Variants in CNTNAP4 observed in about 807,000 individuals in gnomAD.
CNTNAP4 encodes the protein contactin-associated protein-like 4.
A neutral mutation model predicts 148.4 loss-of-function variants in CNTNAP4; 98 were observed. The observed-to-expected ratio is 0.66, with a 90% CI of 0.56 to 0.78. CNTNAP4 has a LOEUF of 0.78. Among genes scored for constraint, CNTNAP4 ranks in the 30% least tolerant of loss-of-function variants. CNTNAP4 has a pLI of 0.00. For synonymous variants in CNTNAP4, 730 were observed against 565.1 expected, an observed-to-expected ratio of 1.29 and a Z score of -4.14; for missense variants, 1,935 against 1,565.6, an observed-to-expected ratio of 1.24 and a Z score of -3.98.
chr16:76,530,311 C>A (rs1025502588), intron 17 of CNTNAP4, among the ~76,000 whole-genome samples: 3 of 152,078 alleles, frequency 2.0e-5, no homozygotes, highest in Non-Finnish European at 4.4e-5. Flanking sequence ...GGTCGCATTT[C>A]TCTTTAATAT....
intron 10 of CNTNAP4, among the ~76,000 whole-genome samples, chr16:76,473,736 T>C (rs2081454722): frequency 1.3e-5 from 2 of 152,130 alleles, no homozygotes; most frequent in South Asian, 4.1e-4. Context: ...ATCGCGCCAC[T>C]GCACTACAGC....
intron 17 of CNTNAP4, among the ~76,000 whole-genome samples, chr16:76,534,088 G>T (rs1345111544): frequency 1.3e-5 from 2 of 152,010 alleles, no homozygotes; most frequent in Non-Finnish European, 2.9e-5. Flanking sequence ...CATTAAATTC[G>T]GGCCTCATTC....
intron 2 of CNTNAP4, among the ~76,000 whole-genome samples, chr16:76,322,249 C>G (rs1962499166): frequency 6.6e-6 from 1 of 152,114 alleles, no homozygotes; most frequent in African/African-American, 2.4e-5. Context: ...GTCTTGAGCC[C>G]TAATTTTTTC....
intron 3 of CNTNAP4, among the ~76,000 whole-genome samples, chr16:76,420,227 A>AAT (rs564253645): frequency 3.1e-4 from 46 of 150,728 alleles, no homozygotes; most frequent in African/African-American, 9.8e-4. Flanking sequence ...ATATTAGAAT[A>AAT]ATGTATATTC....
chr16:76,486,228 A>G (rs1007385216), intron 12 of CNTNAP4, among the ~76,000 whole-genome samples: 2 of 152,182 alleles, frequency 1.3e-5, no homozygotes, highest in East Asian at 3.8e-4. Flanking sequence ...CTCTTTTTGC[A>G]TTTAGTAAAA....
chr16:76,277,615 C>T lies in CNTNAP4; in HGVS notation c.-48C>T, dbSNP rs1384184260. 1.5e-6 allele frequency: 2 copies of T among 1,348,702 alleles called. No individual in the cohort carries two copies. The highest frequency in any genetic ancestry group is 2.1e-6 in the Non-Finnish European group (2 of 957,960). The allele number at this position is 1,348,702 out of a possible 1,614,324, so 83.5% of individuals were successfully genotyped here. ...AGCTACTGAGAAGAGGACTGGAGCG[C>T]TCTGAGAGCCTCTCAAGATCTTTTG... On this transcript the variant is annotated 5_prime_UTR_variant, in exon 1 of 24. Coordinates refer to ENST00000611870, the MANE Select transcript of CNTNAP4 (RefSeq NM_033401.5).
At chr16:76,496,809 T>C (rs1253946134) in intron 14 of CNTNAP4, among the ~76,000 whole-genome samples, 1 of 152,208 alleles carries the variant, frequency 6.6e-6, no homozygotes, top group East Asian at 1.9e-4. Flanking sequence ...TACATTTTCA[T>C]CTAAAGTCAA....
chr16:76,433,480 T>A lies in CNTNAP4; in HGVS notation c.538+5881T>A, dbSNP rs188452065. ...ATGTATACTTTATTATTTAAAAAAA[T>A]TCCAATTTTTTTACATAATAAACTA... On this transcript the variant is annotated intron_variant, in intron 4 of 23. Transcript: ENST00000611870. Among the ~76,000 whole-genome samples the A allele has an allele frequency of 5.7e-3, 863 of 152,240 alleles. 4 individuals carry two copies. The highest frequency in any genetic ancestry group is 0.024 in the Middle Eastern group (7 of 294).
In CNTNAP4 at chr16:76,508,556, C is replaced by T. The variant is rs571189250; in HGVS notation, c.2365+9862C>T. Among the ~76,000 whole-genome samples the T allele has an allele frequency of 1.9e-4, 17 of 89,822 alleles. 5 individuals carry two copies. In the South Asian group the frequency reaches 7.1e-3, roughly 38 times the overall value. The allele number at this position is 89,822 out of a possible 152,430, so 58.9% of individuals were successfully genotyped here. ...TTTTTTTTTGTTCACTTTTTTATTACCAACCAATAATTTATATGCAAGAAA... is the reference window on the plus strand; with the variant it reads ...TTTTTTTTTGTTCACTTTTTTATTATCAACCAATAATTTATATGCAAGAAA... On this transcript the variant is annotated intron_variant, in intron 15 of 23. Transcript: ENST00000611870.
chr16:76,289,394 G>A (rs1215682654), intron 1 of CNTNAP4, among the ~76,000 whole-genome samples: 2 of 152,030 alleles, frequency 1.3e-5, no homozygotes, highest in African/African-American at 4.8e-5. Flanking sequence ...TTCACATAGG[G>A]TAGAAGAAAA....
chr16:76,489,026 G>A (rs1396633149), intron 12 of CNTNAP4, among the ~76,000 whole-genome samples: 2 of 152,040 alleles, frequency 1.3e-5, no homozygotes, highest in Non-Finnish European at 2.9e-5. Context: ...TAACTGTCCA[G>A]ATCACATGAT....
At chr16:76,371,376 C>G (rs1055684395) in intron 3 of CNTNAP4, among the ~76,000 whole-genome samples, 1 of 152,172 alleles carries the variant, frequency 6.6e-6, no homozygotes, top group African/African-American at 2.4e-5. Context: ...ACCTCCACCT[C>G]CCGGATTCAA....
rs1243024848 is a variant in CNTNAP4, at chr16:76,522,220, G to C, written c.2718G>C (p.Gly906=). Residue 906 remains glycine, a synonymous_variant, in exon 17 of 24, where the codon GGG becomes GGC. Transcript: ENST00000611870. ...TPKTQPAPAD[G]HVLLQLNSQL... ...AGACACAGCCCGCCCCCGCTGATGG[G>C]CATGTCCTGTTACAGCTCAACAGTC... The C allele has an allele frequency of 6.2e-7, 1 of 1,613,906 alleles. No individual in the cohort carries two copies. The highest frequency in any genetic ancestry group is 1.1e-5 in the South Asian group (1 of 91,084).
In CNTNAP4 at chr16:76,546,661, A is replaced by C. The variant is rs189366742; in HGVS notation, c.3442+5871A>C. On this transcript the variant is annotated intron_variant, in intron 21 of 23. Coordinates refer to ENST00000611870, the MANE Select transcript of CNTNAP4 (RefSeq NM_033401.5). ...AGAAAGTGCACAATAAATGTAATGC[A>C]CTTGAATCATCCCAAAGCCATCCCC... Among the ~76,000 whole-genome samples the C allele has an allele frequency of 4.6e-5, 7 of 152,298 alleles. No individual in the cohort carries two copies. The East Asian group carries it at 1.2e-3, about 25-fold the overall frequency.
chr16:76,355,596 T>C, intron 3 of CNTNAP4, 85 bp downstream of exon 3: 1 of 995,842 alleles, frequency 1.0e-6, no homozygotes, highest in East Asian at 2.9e-5. Flanking sequence ...TTAAATTAAG[T>C]AGACATACAG....
At chr16:76,482,085 G>A (rs1040284811) in intron 12 of CNTNAP4, among the ~76,000 whole-genome samples, 4 of 151,788 alleles carry the variant, frequency 2.6e-5, no homozygotes, top group African/African-American at 9.7e-5. Flanking sequence ...TAGTTGGATT[G>A]CAACTGCTCC....
chr16:76,334,053 C>A (rs76780670), intron 2 of CNTNAP4, among the ~76,000 whole-genome samples: 26,453 of 151,624 alleles, frequency 0.17, 2,825 homozygotes, highest in East Asian at 0.32. Flanking sequence ...ATGATGAGTT[C>A]ATGTCCTTTG....
At chr16:76,335,607 T>G (rs1963952279) in intron 2 of CNTNAP4, among the ~76,000 whole-genome samples, 1 of 152,180 alleles carries the variant, frequency 6.6e-6, no homozygotes, top group African/African-American at 2.4e-5. Context: ...AGAGGCTGTA[T>G]GGAATCCTCC....
At chr16:76,459,962 C>G (rs1326637771) in intron 8 of CNTNAP4, among the ~76,000 whole-genome samples, 1 of 152,112 alleles carries the variant, frequency 6.6e-6, no homozygotes, top group Non-Finnish European at 1.5e-5. Context: ...ATAAGAATAC[C>G]TCGATTTTTG....
Sources: gnomAD v4.1 joint callset for allele counts (sites outside exome capture counted in the v4.1 genomes callset) on GRCh38, gnomAD v4.1.1 for gene constraint, MANE v1.5 for transcripts, NCBI Gene and HGNC (gene_info 2026-07-23, HGNC 2026-07-21) for gene names.